The following ALDH4A1 variants were observed in gnomAD, a reference collection of about 807,000 sequenced individuals.
The protein encoded by ALDH4A1 is delta-1-pyrroline-5-carboxylate dehydrogenase, mitochondrial.
In ALDH4A1, 46 loss-of-function variants were observed where a neutral mutation model predicts 70.5. The observed-to-expected ratio is 0.65, with a 90% CI of 0.51 to 0.83. The LOEUF (loss-of-function observed/expected upper bound fraction) is 0.83, where lower values mean the gene tolerates loss of function less well. Ranked by LOEUF, ALDH4A1 falls within the 40% of genes least tolerant of loss-of-function variation. The pLI, the probability that ALDH4A1 is intolerant of heterozygous loss-of-function variation, is 0.00. For synonymous variants in ALDH4A1, 323 were observed against 324.3 expected (o/e 1.00, Z 0.04); for missense variants, 749 against 766.5 (o/e 0.98, Z 0.27).
intron 1 of ALDH4A1, among the ~76,000 whole-genome samples, chr1:18,900,629 A>T (rs1454855936): frequency 6.6e-6 from 1 of 152,212 alleles, no homozygotes; most frequent in Non-Finnish European, 1.5e-5. Flanking sequence ...ACCAAAATGT[A>T]GCCCCAAATG....
At position 18,889,391 on chromosome 1, in the gene ALDH4A1, ACACCTCCTCATCCCC is replaced by A; in HGVS notation, c.205_219del (p.Gly69_Val73del). On this transcript the variant is annotated inframe_deletion, in exon 3 of 15. Coordinates refer to ENST00000375341, the MANE Select transcript of ALDH4A1 (RefSeq NM_003748.4). ...ACTTGGTACTGCACGTCCGACGTCC[ACACCTCCTCATCCCC>A]CACCACGCATGGGATGGCTTCCATC... 1 of 1,552,784 alleles carries A rather than the reference ACACCTCCTCATCCCC, an allele frequency of 6.4e-7. No individual in the cohort carries two copies. Among genetic ancestry groups the A allele is most frequent in the Non-Finnish European group, 8.7e-7 (1 of 1,147,624 alleles).
In ALDH4A1 at chr1:18,902,442, C is replaced by T; in HGVS notation, c.62+20G>A. 2 of 1,340,664 alleles carry T rather than the reference C, an allele frequency of 1.5e-6. No individual in the cohort carries two copies. The highest frequency in any genetic ancestry group is 1.9e-5 in the South Asian group (1 of 53,862). 83.0% of individuals were successfully genotyped at this position (1,340,664 alleles called of 1,614,324 possible). ...CCCCAGGCGCGCGCTCGGGCCGCCCCGGGCCCCGTGCTCACTCACCCGGCC... is the reference window on the plus strand; with the variant it reads ...CCCCAGGCGCGCGCTCGGGCCGCCCTGGGCCCCGTGCTCACTCACCCGGCC... On this transcript the variant is annotated intron_variant, in intron 1 of 14. Transcript: ENST00000375341.
Position 18,881,807 on chromosome 1 carries a change from G to A in ALDH4A1, c.759C>T (p.Gly253=), listed in dbSNP as rs535815477. Residue 253 remains glycine, a synonymous_variant, in exon 8 of 15, where the codon GGC becomes GGT. Transcript: ENST00000375341. The stretch of plus-strand genomic sequence containing the variant: ...CAAACTGGATGATGTTGGGGGGCAG[G>A]CCAGCCTCCCGAAGGATGCGGTAGA... ...YAVYRILREA[G]LPPNIIQFVP... is the part of the protein sequence containing the mutation. 5 of 1,613,964 alleles carry A rather than the reference G, an allele frequency of 3.1e-6. No individual in the cohort carries two copies. The South Asian group carries it at 5.5e-5, about 18-fold the overall frequency.
At chr1:18,895,761 C>T (rs1266564716) in intron 1 of ALDH4A1, among the ~76,000 whole-genome samples, 1 of 152,222 alleles carries the variant, frequency 6.6e-6, no homozygotes, top group Non-Finnish European at 1.5e-5. Context: ...CCAGACTCCA[C>T]CTTGCCCAAG....
At chr1:18,876,537 AC>A in intron 11 of ALDH4A1, 70 bp from the exon 12 acceptor site, 1 of 1,491,846 alleles carries the variant, frequency 6.7e-7, no homozygotes, top group East Asian at 2.5e-5. Context: ...CCCACAACAC[AC>A]TCACCCCGAA....
Position 18,872,901 on chromosome 1 carries a change from C to T in ALDH4A1, c.1636G>A (p.Val546Ile). ...AGGGGCTTATGTGTCTCCTTGATGA[C>T]CTGCGGCGACGTCCAGCGCAGGATG... is the stretch of plus-strand genomic sequence containing the variant. ...HYILRWTSPQVIKETHKPLGD... is the reference protein window; with the variant it reads ...HYILRWTSPQIIKETHKPLGD... The change falls in exon 15 of 15, where the codon GTC (valine) becomes ATC (isoleucine). Residue 546 changes from valine to isoleucine, a missense_variant. Physicochemically the swap from Val to Ile is conservative, Grantham distance 29. Coordinates refer to ENST00000375341, the MANE Select transcript of ALDH4A1 (RefSeq NM_003748.4). 2 of 1,614,094 alleles carry T rather than the reference C, an allele frequency of 1.2e-6. No homozygotes were observed. The highest frequency in any genetic ancestry group is 1.7e-6 in the Non-Finnish European group (2 of 1,180,014).
chr1:18,902,482 G>C lies in ALDH4A1; in HGVS notation c.42C>G (p.Ser14=), dbSNP rs950681553. 10 of 1,466,278 alleles carry C rather than the reference G, an allele frequency of 6.8e-6. No individual in the cohort carries two copies. The African/African-American group carries it at 1.2e-4, about 17-fold the overall frequency. The allele number at this position is 1,466,278 out of a possible 1,614,324, so 90.8% of individuals were successfully genotyped here. ...CTCACCCGGCCCCGGTCCAGGGGCGGGACAGCAGGGCGCGGCGGAGCGCGG... is the reference window on the plus strand; with the variant it reads ...CTCACCCGGCCCCGGTCCAGGGGCGCGACAGCAGGGCGCGGCGGAGCGCGG... The part of the protein sequence containing the change: ...PAPALRRALL[S]RPWTGAGLRW... The change falls in exon 1 of 15, where the codon TCC becomes TCG. Residue 14 remains serine, a synonymous_variant. Transcript: ENST00000375341.
intron 1 of ALDH4A1, among the ~76,000 whole-genome samples, chr1:18,895,087 T>C (rs1935572553): frequency 6.6e-6 from 1 of 152,154 alleles, no homozygotes; most frequent in African/African-American, 2.4e-5. Context: ...AGAGATAAAT[T>C]GGATCAGGTC....
At position 18,876,313 on chromosome 1, in the gene ALDH4A1, A is replaced by G. The variant is rs1423086236; in HGVS notation, c.1338+2T>C. 3.7e-6 allele frequency: 6 copies of G among 1,613,300 alleles called. No individual in the cohort carries two copies. Among genetic ancestry groups the G allele is most frequent in the Non-Finnish European group, 5.1e-6 (6 of 1,179,884 alleles). ...GGACCCCAGGCTGCCCACCCCAGTC[A>G]CCTCCTTCATGATGGGCTCCTGAGG... On this transcript the variant is annotated splice_donor_variant, in intron 12 of 14. Coordinates refer to ENST00000375341, the MANE Select transcript of ALDH4A1 (RefSeq NM_003748.4). LOFTEE classifies it high-confidence loss of function.
chr1:18,893,810 T>TTATTTTAATATTTAATATTTAA (rs1935525985), intron 1 of ALDH4A1, among the ~76,000 whole-genome samples: 3 of 152,196 alleles, frequency 2.0e-5, no homozygotes, highest in African/African-American at 7.2e-5. Flanking sequence ...AGCCGGTAGC[T>TTATTTTAATATTTAATATTTAA]TATATTATTT....
At chr1:18,876,076 G>T (rs899002243) in intron 12 of ALDH4A1, among the ~76,000 whole-genome samples, 1 of 152,204 alleles carries the variant, frequency 6.6e-6, no homozygotes, top group African/African-American at 2.4e-5. Flanking sequence ...CGTGGTTGCT[G>T]AGGGCACTGG....
intron 11 of ALDH4A1, 91 bp from the exon 12 acceptor site, chr1:18,876,558 C>T: frequency 1.4e-6 from 2 of 1,406,360 alleles, no homozygotes; most frequent in Non-Finnish European, 9.6e-7. Context: ...AACACCTGCA[C>T]CTGAAGGGCC....
intron 2 of ALDH4A1, 77 bp downstream of exon 2, chr1:18,889,935 G>A: frequency 7.9e-7 from 1 of 1,257,960 alleles, no homozygotes; most frequent in Non-Finnish European, 1.1e-6. Context: ...CAGGCACGGG[G>A]CGCTATCTCA....
In ALDH4A1 at chr1:18,893,503, C is replaced by CT. The variant is rs1030116931; in HGVS notation, c.63-3399dup. Among the ~76,000 whole-genome samples the CT allele has an allele frequency of 3.1e-4, 46 of 149,662 alleles. No homozygotes were observed. In the East Asian group the frequency reaches 6.0e-3, roughly 20 times the overall value. On this transcript the variant is annotated intron_variant, in intron 1 of 14. Transcript: ENST00000375341. Reference sequence around the variant, plus strand: ...AGAACAATGCACAGCAAATCAGTAGCTTTTTTTTTTCTTTTTTGAGTCGGA... The same window carrying CT: ...AGAACAATGCACAGCAAATCAGTAGCTTTTTTTTTTTCTTTTTTGAGTCGGA...
chr1:18,887,298 C>T (rs1935240135), intron 3 of ALDH4A1, among the ~76,000 whole-genome samples: 1 of 152,258 alleles, frequency 6.6e-6, no homozygotes. Context: ...CGAAGGCCCA[C>T]CTAAAGAAAC....
chr1:18,902,359 G>T, intron 1 of ALDH4A1, 103 bp downstream of exon 1: 1 of 1,009,676 alleles, frequency 9.9e-7, no homozygotes. Context: ...GCAGCTTGGG[G>T]GTCCGGCAGG....
rs536547354 is a variant in ALDH4A1 at position 18,902,549 on chromosome 1, C to A, written c.-26G>T. Reference sequence around the variant, plus strand: ...CTCGGGTTAGAAGCGGGGCTGTTCGCTGGATCGTCCGCCCGGGCGCGGCGA... The same window carrying A: ...CTCGGGTTAGAAGCGGGGCTGTTCGATGGATCGTCCGCCCGGGCGCGGCGA... On this transcript the variant is annotated 5_prime_UTR_variant, in exon 1 of 15. Transcript: ENST00000375341. 2.4e-4 allele frequency: 348 copies of A among 1,473,982 alleles called. No homozygotes were observed. Among genetic ancestry groups the A allele is most frequent in the Non-Finnish European group, 2.5e-4 (278 of 1,111,288 alleles). 91.3% of individuals were successfully genotyped at this position (1,473,982 alleles called of 1,614,324 possible).
intron 11 of ALDH4A1, 142 bp downstream of exon 11, chr1:18,877,066 C>T (rs1934726087): frequency 1.9e-5 from 20 of 1,030,252 alleles, no homozygotes; most frequent in South Asian, 4.5e-5. Flanking sequence ...GCTGGAGGTG[C>T]GTGTGTGGCT....
At chr1:18,899,702 G>A (rs1276140764) in intron 1 of ALDH4A1, among the ~76,000 whole-genome samples, 1 of 152,218 alleles carries the variant, frequency 6.6e-6, no homozygotes, top group Non-Finnish European at 1.5e-5. Flanking sequence ...GTTGCTGAGA[G>A]GCTGAGTAAA....
Sources: gnomAD v4.1 joint callset for allele counts (sites outside exome capture counted in the v4.1 genomes callset) on GRCh38, gnomAD v4.1.1 for gene constraint, MANE v1.5 for transcripts, NCBI Gene and HGNC (gene_info 2026-07-23, HGNC 2026-07-21) for gene names.